The following LRP1B variants were observed in gnomAD, a reference collection of about 807,000 sequenced individuals.
LRP1B encodes low-density lipoprotein receptor-related protein 1B.
In LRP1B, 217 loss-of-function variants were observed where a neutral mutation model predicts 556.6. The ratio of observed to expected loss-of-function variants is 0.39; its 90% CI spans 0.35 to 0.44. The LOEUF (loss-of-function observed/expected upper bound fraction) is 0.44, where lower values mean the gene tolerates loss of function less well. LRP1B is among the 20% of genes least tolerant of loss of function. The pLI is 1.00. For missense variants in LRP1B, 5,053 were observed against 5,620.8 expected (o/e 0.90, Z 3.23); for synonymous variants, 2,047 against 1,865.8 (o/e 1.10, Z -2.50).
At chr2:141,819,639 A>G (rs775141540) in intron 1 of LRP1B, among the ~76,000 whole-genome samples, 20 of 152,228 alleles carry the variant, frequency 1.3e-4, no homozygotes, top group African/African-American at 4.3e-4. Flanking sequence ...GTTATAGGAT[A>G]CAAAATAACA....
chr2:142,120,255 G>A (rs541846981), intron 1 of LRP1B, among the ~76,000 whole-genome samples: 13 of 152,254 alleles, frequency 8.5e-5, no homozygotes, highest in Non-Finnish European at 1.5e-4. Flanking sequence ...GGGACTACAG[G>A]CACATGCAAC....
intron 1 of LRP1B, among the ~76,000 whole-genome samples, chr2:141,942,468 CAAG>C (rs1329815157): frequency 6.6e-6 from 1 of 151,606 alleles, no homozygotes. Flanking sequence ...GCTGTTCTGA[CAAG>C]AGAACACAAT....
At chr2:140,999,682 G>A (rs1328794676) in intron 15 of LRP1B, among the ~76,000 whole-genome samples, 1 of 152,020 alleles carries the variant, frequency 6.6e-6, no homozygotes, top group African/African-American at 2.4e-5. Flanking sequence ...TGAAGCGTGT[G>A]CTTAGCTAGA....
At chr2:140,734,402 A>G (rs1246973235) in intron 35 of LRP1B, among the ~76,000 whole-genome samples, 1 of 152,196 alleles carries the variant, frequency 6.6e-6, no homozygotes, top group African/African-American at 2.4e-5. Context: ...GATAGAGAAG[A>G]GTCAGAAATG....
intron 60 of LRP1B, among the ~76,000 whole-genome samples, chr2:140,474,412 T>A (rs933345138): frequency 4.0e-5 from 6 of 151,886 alleles, no homozygotes; most frequent in Admixed American, 1.3e-4. Flanking sequence ...CATGCAGACT[T>A]TATTTGGGAC....
chr2:140,665,710 A>G (rs1685242799), intron 41 of LRP1B, among the ~76,000 whole-genome samples: 1 of 152,200 alleles, frequency 6.6e-6, no homozygotes, highest in Admixed American at 6.5e-5. Context: ...ACATGATGGC[A>G]TATTCCCTGA....
At chr2:140,335,235 T>A (rs1197103280) in intron 78 of LRP1B, among the ~76,000 whole-genome samples, 1 of 151,856 alleles carries the variant, frequency 6.6e-6, no homozygotes, top group Non-Finnish European at 1.5e-5. Context: ...CATCTTTTAT[T>A]ACCATAGAGA....
intron 2 of LRP1B, among the ~76,000 whole-genome samples, chr2:141,615,246 A>C (rs1050563308): frequency 1.3e-5 from 2 of 152,210 alleles, no homozygotes; most frequent in African/African-American, 4.8e-5. Flanking sequence ...GTACAGCCTA[A>C]TTTCTCTTTG....
chr2:140,472,383 G>A (rs916322784), intron 60 of LRP1B, among the ~76,000 whole-genome samples: 15 of 152,184 alleles, frequency 9.9e-5, no homozygotes, highest in African/African-American at 3.6e-4. Flanking sequence ...TACATCATAT[G>A]TTACTATGGT....
At chr2:142,107,282 C>A (rs149338047) in intron 1 of LRP1B, among the ~76,000 whole-genome samples, 2 of 152,186 alleles carry the variant, frequency 1.3e-5, no homozygotes, top group East Asian at 3.9e-4. Context: ...AGAGGTGGAA[C>A]CTTAAGAGGT....
At chr2:141,221,611 C>T (rs528801629) in intron 6 of LRP1B, among the ~76,000 whole-genome samples, 8 of 152,266 alleles carry the variant, frequency 5.3e-5, no homozygotes, top group Admixed American at 3.3e-4. Context: ...CAACCCAAAA[C>T]ATCAGAATAT....
At chr2:140,862,905 C>A (rs558296752) in intron 27 of LRP1B, among the ~76,000 whole-genome samples, 1 of 152,158 alleles carries the variant, frequency 6.6e-6, no homozygotes, top group South Asian at 2.1e-4. Flanking sequence ...GTTTGAGCTA[C>A]GACATATATC....
intron 3 of LRP1B, among the ~76,000 whole-genome samples, chr2:141,472,463 C>T (rs1003317902): frequency 5.3e-5 from 8 of 152,218 alleles, no homozygotes; most frequent in Admixed American, 4.6e-4. Flanking sequence ...TCACTTGAAC[C>T]CCGGAGGTGG....
intron 7 of LRP1B, among the ~76,000 whole-genome samples, chr2:141,063,828 G>A (rs902379423): frequency 6.6e-6 from 1 of 151,710 alleles, no homozygotes; most frequent in Non-Finnish European, 1.5e-5. Flanking sequence ...TTTCTCACTG[G>A]TTCATTTCAC....
chr2:142,064,876 G>T (rs969519928), intron 1 of LRP1B, among the ~76,000 whole-genome samples: 1 of 151,514 alleles, frequency 6.6e-6, no homozygotes, highest in Non-Finnish European at 1.5e-5. Flanking sequence ...TTGCTTTATT[G>T]TTCAGTTATT....
At chr2:141,591,004 C>T (rs1162129340) in intron 2 of LRP1B, among the ~76,000 whole-genome samples, 2 of 152,106 alleles carry the variant, frequency 1.3e-5, no homozygotes, top group African/African-American at 4.8e-5. Context: ...TTTTTGAAGC[C>T]CGAGCCATGG....
At chr2:141,663,631 G>A (rs1017289541) in intron 2 of LRP1B, among the ~76,000 whole-genome samples, 2 of 151,986 alleles carry the variant, frequency 1.3e-5, no homozygotes, top group Non-Finnish European at 2.9e-5. Flanking sequence ...TCCCACGACA[G>A]AACCAGGAAG....
At chr2:141,754,697 C>T (rs1037516166) in intron 2 of LRP1B, among the ~76,000 whole-genome samples, 2 of 152,106 alleles carry the variant, frequency 1.3e-5, no homozygotes, top group Non-Finnish European at 2.9e-5. Flanking sequence ...AATATGACCT[C>T]TTAACCCAAT....
At chr2:140,277,209 A>C (rs1358721826) in intron 84 of LRP1B, among the ~76,000 whole-genome samples, 1 of 151,960 alleles carries the variant, frequency 6.6e-6, no homozygotes, top group Non-Finnish European at 1.5e-5. Context: ...TTTAACTTAA[A>C]GTACTAAAGG....
Sources: allele counts gnomAD v4.1 joint callset (sites outside exome capture counted in the v4.1 genomes callset), GRCh38; gene constraint gnomAD v4.1.1; transcripts MANE v1.5; gene names NCBI Gene and HGNC (gene_info 2026-07-23, HGNC 2026-07-21).